The following SLC44A5 variants were observed in gnomAD, a reference collection of about 807,000 sequenced individuals.
SLC44A5 encodes the protein choline transporter-like protein 5.
A neutral mutation model predicts 101.8 loss-of-function variants in SLC44A5; 57 were observed. The observed-to-expected ratio is 0.56, with a 90% confidence interval of 0.45 to 0.70. The LOEUF (loss-of-function observed/expected upper bound fraction) is 0.70, where lower values mean the gene tolerates loss of function less well. SLC44A5 is among the 30% of genes least tolerant of loss of function. The probability of loss-of-function intolerance (pLI) is 0.00; values close to 1 mark genes in which losing one functional copy is unlikely to be tolerated. For synonymous variants in SLC44A5, 281 were observed against 290.9 expected, an observed-to-expected ratio of 0.97 and a Z score of 0.35; for missense variants, 737 against 853.1, an observed-to-expected ratio of 0.86 and a Z score of 1.70.
chr1:75,351,839 A>G (rs1308732719), intron 3 of SLC44A5, among the ~76,000 whole-genome samples: 2 of 52,848 alleles, frequency 3.8e-5, no homozygotes, highest in Non-Finnish European at 8.1e-5. Flanking sequence ...TGAATAACAC[A>G]CTTTACCAAA....
chr1:75,503,617 G>A (rs777111409), intron 2 of SLC44A5, among the ~76,000 whole-genome samples: 1 of 152,112 alleles, frequency 6.6e-6, no homozygotes, highest in Non-Finnish European at 1.5e-5. Flanking sequence ...AGCAGTGTGA[G>A]AAAGCACTAA....
At chr1:75,349,676 G>A (rs1238126657) in intron 3 of SLC44A5, among the ~76,000 whole-genome samples, 1 of 152,062 alleles carries the variant, frequency 6.6e-6, no homozygotes, top group Non-Finnish European at 1.5e-5. Context: ...GAAGAACTAT[G>A]GAGAAAGGAG....
chr1:75,663,706 C>T, the SLC44A5 span, among the ~76,000 whole-genome samples: 1 of 152,146 alleles, frequency 6.6e-6, no homozygotes, highest in African/African-American at 2.4e-5. Flanking sequence ...CTGAATACTA[C>T]CACACATACA....
intron 3 of SLC44A5, among the ~76,000 whole-genome samples, chr1:75,354,650 G>A (rs1038289266): frequency 6.6e-6 from 1 of 152,018 alleles, no homozygotes; most frequent in African/African-American, 2.4e-5. Flanking sequence ...GCCGGACTTC[G>A]TCACCCCCAC....
chr1:75,249,988 T>A (rs1557577035), intron 7 of SLC44A5, among the ~76,000 whole-genome samples: 1 of 152,174 alleles, frequency 6.6e-6, no homozygotes, highest in Non-Finnish European at 1.5e-5. Flanking sequence ...TAGAAACATA[T>A]AAATTTCTTT....
At chr1:75,335,405 C>T (rs1300968233) in intron 4 of SLC44A5, among the ~76,000 whole-genome samples, 1 of 149,086 alleles carries the variant, frequency 6.7e-6, no homozygotes, top group Admixed American at 6.6e-5. Flanking sequence ...CAGTTCATTC[C>T]TCCCTGTAGG....
the SLC44A5 span, among the ~76,000 whole-genome samples, chr1:75,639,800 T>C: frequency 1.3e-5 from 2 of 152,094 alleles, no homozygotes; most frequent in Admixed American, 1.3e-4. Context: ...TAGTTGTTTG[T>C]CTGACTGTCA....
the SLC44A5 span, among the ~76,000 whole-genome samples, chr1:75,648,190 G>A: frequency 2.0e-5 from 3 of 152,222 alleles, no homozygotes; most frequent in Admixed American, 2.0e-4. Flanking sequence ...TTTTTAAGGG[G>A]CTTTTTCCCA....
intron 4 of SLC44A5, among the ~76,000 whole-genome samples, chr1:75,331,345 C>T (rs902129324): frequency 1.3e-5 from 2 of 152,106 alleles, no homozygotes; most frequent in African/African-American, 4.8e-5. Context: ...GAGCATCATC[C>T]TCCTGGTAGT....
the SLC44A5 span, among the ~76,000 whole-genome samples, chr1:75,648,190 G>T: frequency 6.6e-6 from 1 of 152,104 alleles, no homozygotes. Context: ...TTTTTAAGGG[G>T]CTTTTTCCCA....
intron 14 of SLC44A5, among the ~76,000 whole-genome samples, chr1:75,220,880 A>AT (rs1283815958): frequency 1.3e-5 from 2 of 152,164 alleles, no homozygotes; most frequent in South Asian, 2.1e-4. Context: ...TAAGTGAATT[A>AT]TTGTGTGTCC....
chr1:75,395,394 C>G (rs1390362108), intron 3 of SLC44A5, among the ~76,000 whole-genome samples: 1 of 152,040 alleles, frequency 6.6e-6, no homozygotes, highest in Non-Finnish European at 1.5e-5. Flanking sequence ...ATTTCAACCC[C>G]TGAGATTAAA....
the SLC44A5 span, chr1:75,641,231 T>C: frequency 2.7e-6 from 1 of 371,058 alleles, no homozygotes; most frequent in Non-Finnish European, 4.8e-6. Context: ...TGAATAAAAT[T>C]TGTCTCCATC....
chr1:75,210,528 G>A (rs1646833356), intron 23 of SLC44A5, among the ~76,000 whole-genome samples: 2 of 152,108 alleles, frequency 1.3e-5, no homozygotes, highest in South Asian at 4.1e-4. Context: ...ATTTGTCATT[G>A]TGATGCACAG....
chr1:75,359,310 C>G (rs1659318540), intron 3 of SLC44A5, among the ~76,000 whole-genome samples: 2 of 147,338 alleles, frequency 1.4e-5, no homozygotes, highest in Admixed American at 6.8e-5. Context: ...TGTCAGTTCA[C>G]TGCAGCCTCC....
chr1:75,361,377 A>G (rs574482088), intron 3 of SLC44A5, among the ~76,000 whole-genome samples: 6 of 152,104 alleles, frequency 3.9e-5, no homozygotes, highest in African/African-American at 1.2e-4. Flanking sequence ...GAGCATTCTT[A>G]TTTTATCCCT....
intron 6 of SLC44A5, among the ~76,000 whole-genome samples, chr1:75,253,626 C>T (rs1649766696): frequency 6.6e-6 from 1 of 152,296 alleles, no homozygotes; most frequent in African/African-American, 2.4e-5. Context: ...CAAATTTGTA[C>T]TTGAGCAAAT....
chr1:75,351,605 C>G (rs1316034905), intron 3 of SLC44A5, among the ~76,000 whole-genome samples: 3 of 151,904 alleles, frequency 2.0e-5, no homozygotes, highest in Non-Finnish European at 4.4e-5. Context: ...ACACTGGTAT[C>G]AGTAAATGAG....
chr1:75,351,972 A>G (rs1418714829), intron 3 of SLC44A5, among the ~76,000 whole-genome samples: 1 of 151,952 alleles, frequency 6.6e-6, no homozygotes, highest in Non-Finnish European at 1.5e-5. Context: ...TAGAATATGT[A>G]AAAAATCCCC....
Sources: gnomAD v4.1 joint callset for allele counts (sites outside exome capture counted in the v4.1 genomes callset) on GRCh38, gnomAD v4.1.1 for gene constraint, MANE v1.5 for transcripts, NCBI Gene and HGNC (gene_info 2026-07-23, HGNC 2026-07-21) for gene names.